COL25A1: variants seen among roughly 807,000 people sequenced by gnomAD.
COL25A1 encodes collagen alpha-1(XXV) chain.
Under a neutral mutation model 128.4 loss-of-function variants are expected in COL25A1, and 103 were observed. The ratio of observed to expected loss-of-function variants is 0.80; its 90% CI spans 0.68 to 0.94. The LOEUF is 0.94. Among genes scored for constraint, COL25A1 ranks in the 40% least tolerant of loss-of-function variants. The pLI is 0.00. For missense variants in COL25A1, 745 were observed against 840.0 expected, an observed-to-expected ratio of 0.89 and a Z score of 1.40; for synonymous variants, 279 against 277.2, an observed-to-expected ratio of 1.01 and a Z score of -0.06.
chr4:108,854,360 T>C (rs1736200826), intron 24 of COL25A1, among the ~76,000 whole-genome samples: 1 of 151,996 alleles, frequency 6.6e-6, no homozygotes, highest in African/African-American at 2.4e-5. Context: ...GAGCCAAAAT[T>C]GACAAACAGA....
At chr4:108,884,788 A>T (rs776222974) in intron 18 of COL25A1, among the ~76,000 whole-genome samples, 1 of 152,198 alleles carries the variant, frequency 6.6e-6, no homozygotes, top group Non-Finnish European at 1.5e-5. Flanking sequence ...TGTACTTCTG[A>T]CAATTGTTGA....
Position 109,297,876 on chromosome 4 carries a change from T to C in COL25A1, c.367+2707A>G, listed in dbSNP as rs1370327584. Among the ~76,000 whole-genome samples, 100 of 139,556 alleles carry C rather than the reference T, an allele frequency of 7.2e-4. 1 individual carries two copies. The highest frequency in any genetic ancestry group is 2.6e-3 in the African/African-American group (98 of 37,794). The allele number at this position is 139,556 out of a possible 152,430, so 91.6% of individuals were successfully genotyped here. On this transcript the variant is annotated intron_variant, in intron 3 of 37. Coordinates refer to ENST00000399132, the MANE Select transcript of COL25A1 (RefSeq NM_198721.4). Reference sequence around the variant, plus strand: ...TTTTTCCTTTTCTTTTTTTTTTTTTTTTTTTTTTTTTTTTTGCCGATGAGG... The same window carrying C: ...TTTTTCCTTTTCTTTTTTTTTTTTTCTTTTTTTTTTTTTTTGCCGATGAGG...
intron 9 of COL25A1, 106 bp from the exon 10 acceptor site, chr4:108,940,752 G>T: frequency 1.4e-6 from 1 of 708,278 alleles, no homozygotes; most frequent in Non-Finnish European, 2.3e-6. Flanking sequence ...TTTACACTAT[G>T]AAAAGAACCA....
At chr4:108,857,685 A>T (rs2125785161) in intron 24 of COL25A1, among the ~76,000 whole-genome samples, 1 of 152,292 alleles carries the variant, frequency 6.6e-6, no homozygotes, top group South Asian at 2.1e-4. Flanking sequence ...AAAGATGGAA[A>T]AATAATTCAA....
At chr4:108,830,115 C>T (rs930872330) in intron 32 of COL25A1, among the ~76,000 whole-genome samples, 4 of 152,148 alleles carry the variant, frequency 2.6e-5, no homozygotes, top group Non-Finnish European at 5.9e-5. Flanking sequence ...TCTAATGATT[C>T]GAGCTTGAAA....
At chr4:108,905,285 C>G (rs1743341626) in intron 13 of COL25A1, among the ~76,000 whole-genome samples, 1 of 151,644 alleles carries the variant, frequency 6.6e-6, no homozygotes. Flanking sequence ...GTGCAAAATA[C>G]AATTTTAAAG....
intron 6 of COL25A1, among the ~76,000 whole-genome samples, chr4:109,006,334 C>G (rs1755972671): frequency 1.3e-5 from 2 of 149,766 alleles, no homozygotes; most frequent in African/African-American, 5.0e-5. Flanking sequence ...GCCTCAGCCT[C>G]CCTAGTAGCT....
At chr4:109,252,710 C>T (rs1323453424) in intron 3 of COL25A1, among the ~76,000 whole-genome samples, 1 of 152,168 alleles carries the variant, frequency 6.6e-6, no homozygotes, top group Admixed American at 6.5e-5. Context: ...AGTACATAAT[C>T]GCATGTCTGG....
chr4:109,113,113 C>T (rs779130625), intron 3 of COL25A1, among the ~76,000 whole-genome samples: 11 of 152,102 alleles, frequency 7.2e-5, no homozygotes, highest in Non-Finnish European at 1.2e-4. Flanking sequence ...AAACAAACAA[C>T]TGTTTTAGTA....
At chr4:109,054,737 T>A (rs939586074) in intron 3 of COL25A1, among the ~76,000 whole-genome samples, 1 of 152,060 alleles carries the variant, frequency 6.6e-6, no homozygotes, top group Non-Finnish European at 1.5e-5. Context: ...CACAGCAAAG[T>A]AAAGGGCAGA....
chr4:109,193,578 A>G (rs1775788592), intron 3 of COL25A1, among the ~76,000 whole-genome samples: 1 of 152,194 alleles, frequency 6.6e-6, no homozygotes, highest in Non-Finnish European at 1.5e-5. Flanking sequence ...CAATAACCAC[A>G]AAAACCATCT....
At chr4:109,049,567 G>A (rs1354198866) in intron 4 of COL25A1, among the ~76,000 whole-genome samples, 2 of 152,140 alleles carry the variant, frequency 1.3e-5, no homozygotes, top group African/African-American at 4.8e-5. Flanking sequence ...ACTACAAAAT[G>A]AAAATTCTAG....
At chr4:108,918,787 T>A (rs1031323185) in intron 12 of COL25A1, among the ~76,000 whole-genome samples, 1 of 152,232 alleles carries the variant, frequency 6.6e-6, no homozygotes, top group Non-Finnish European at 1.5e-5. Flanking sequence ...TGTTATACAC[T>A]GACCAGGAAC....
chr4:109,006,077 T>C (rs1455472414), intron 6 of COL25A1, among the ~76,000 whole-genome samples: 2 of 152,166 alleles, frequency 1.3e-5, no homozygotes, highest in Non-Finnish European at 2.9e-5. Context: ...AAATTTCAAG[T>C]TCCTGTTACT....
At position 108,884,175 on chromosome 4, in the gene COL25A1, T is replaced by G. The variant is rs1740477666; in HGVS notation, c.1020+3A>C. Reference sequence around the variant, plus strand: ...AAGCCGAGACTGTCCGTGCAGTATTTACCTTTATCCCCGGAAGTCCAGGAA... The same window carrying G: ...AAGCCGAGACTGTCCGTGCAGTATTGACCTTTATCCCCGGAAGTCCAGGAA... On this transcript the variant is annotated splice_donor_region_variant and intron_variant, in intron 19 of 37. Coordinates refer to ENST00000399132, the MANE Select transcript of COL25A1 (RefSeq NM_198721.4). The G allele has an allele frequency of 1.2e-6, 2 of 1,613,654 alleles. No individual in the cohort carries two copies. The highest frequency in any genetic ancestry group is 1.7e-6 in the Non-Finnish European group (2 of 1,179,762).
chr4:109,112,046 G>C lies in COL25A1; in HGVS notation c.368-61867C>G, dbSNP rs185906080. ...CTGTTTGCCTGTTTTTCTTAGTCTT[G>C]GTTGCTTTATCTTCTTGATTTTATT... On this transcript the variant is annotated intron_variant, in intron 3 of 37. Coordinates refer to ENST00000399132, the MANE Select transcript of COL25A1 (RefSeq NM_198721.4). 5.2e-3 allele frequency among the ~76,000 whole-genome samples: 785 copies of C among 151,758 alleles called. 6 individuals are homozygous for C. The Middle Eastern group carries it at 0.092, about 18-fold the overall frequency.
At chr4:109,013,614 C>T (rs1413325268) in intron 5 of COL25A1, among the ~76,000 whole-genome samples, 1 of 151,802 alleles carries the variant, frequency 6.6e-6, no homozygotes, top group East Asian at 1.9e-4. Flanking sequence ...CTGAGGCCAG[C>T]GAGACCACAA....
intron 3 of COL25A1, among the ~76,000 whole-genome samples, chr4:109,071,265 T>A (rs1231933994): frequency 1.3e-5 from 2 of 152,232 alleles, no homozygotes; most frequent in South Asian, 2.1e-4. Flanking sequence ...TGAAACTGGA[T>A]CCCTTCCTTA....
At chr4:108,912,526 A>C (rs1479622003) in intron 13 of COL25A1, among the ~76,000 whole-genome samples, 1 of 152,174 alleles carries the variant, frequency 6.6e-6, no homozygotes, top group Admixed American at 6.5e-5. Context: ...AACATACTGC[A>C]TAATAAATTA....
Sources: gnomAD v4.1 joint callset for allele counts (sites outside exome capture counted in the v4.1 genomes callset) on GRCh38, gnomAD v4.1.1 for gene constraint, MANE v1.5 for transcripts, NCBI Gene and HGNC (gene_info 2026-07-23, HGNC 2026-07-21) for gene names.